The following KCNH1 variants were observed in gnomAD, a reference collection of about 807,000 sequenced individuals.
The protein encoded by KCNH1 is voltage-gated delayed rectifier potassium channel KCNH1.
In KCNH1, 27 loss-of-function variants were observed where a neutral mutation model predicts 69.2. The observed-to-expected ratio is 0.39, with a 90% CI of 0.29 to 0.54. The LOEUF (loss-of-function observed/expected upper bound fraction) is 0.54, where lower values mean the gene tolerates loss of function less well. Among genes scored for constraint, KCNH1 ranks in the 20% least tolerant of loss-of-function variants. The probability of loss-of-function intolerance (pLI) is 0.68; values close to 1 mark genes in which losing one functional copy is unlikely to be tolerated. For missense variants in KCNH1, 798 were observed against 1,261.6 expected (o/e 0.63, Z 5.57); for synonymous variants, 456 against 487.7 (o/e 0.93, Z 0.86).
At chr1:210,770,562 C>G (rs1035897357) in intron 10 of KCNH1, among the ~76,000 whole-genome samples, 5 of 152,196 alleles carry the variant, frequency 3.3e-5, no homozygotes, top group African/African-American at 1.2e-4. Flanking sequence ...ATAGCATGGC[C>G]GGGTTAACCC....
intron 2 of KCNH1, among the ~76,000 whole-genome samples, chr1:211,106,096 G>T (rs1178756866): frequency 1.3e-5 from 2 of 152,308 alleles, no homozygotes; most frequent in African/African-American, 4.8e-5. Context: ...GACTATGCTT[G>T]GTCAGACAGG....
At chr1:210,856,823 T>TATATATTA (rs1558499191) in intron 7 of KCNH1, among the ~76,000 whole-genome samples, 2 of 89,586 alleles carry the variant, frequency 2.2e-5, no homozygotes, top group African/African-American at 9.0e-5. Context: ...TATATATATT[T>TATATATTA]TATATATAAT....
chr1:210,910,006 C>T (rs1318500326), intron 7 of KCNH1, among the ~76,000 whole-genome samples: 1 of 152,176 alleles, frequency 6.6e-6, no homozygotes, highest in Non-Finnish European at 1.5e-5. Context: ...AAAAAATTTT[C>T]ATCAAATTGG....
At chr1:210,722,541 A>G (rs1403080007) in intron 10 of KCNH1, among the ~76,000 whole-genome samples, 1 of 152,194 alleles carries the variant, frequency 6.6e-6, no homozygotes. Flanking sequence ...TTGATGGCAC[A>G]GATGAGTCCT....
chr1:210,872,625 G>A (rs1686277954), intron 7 of KCNH1, among the ~76,000 whole-genome samples: 1 of 152,178 alleles, frequency 6.6e-6, no homozygotes. Flanking sequence ...GGTAAAGGGG[G>A]AGCAAGGTGT....
chr1:210,889,479 C>T (rs1425743092), intron 7 of KCNH1, among the ~76,000 whole-genome samples: 2 of 152,230 alleles, frequency 1.3e-5, no homozygotes, highest in East Asian at 3.8e-4. Flanking sequence ...GAAGCATTCT[C>T]TTTGAAAACC....
intron 7 of KCNH1, among the ~76,000 whole-genome samples, chr1:210,814,698 AACAT>A (rs1202996035): frequency 1.3e-5 from 2 of 152,202 alleles, no homozygotes; most frequent in Non-Finnish European, 2.9e-5. Context: ...TCAATTAATT[AACAT>A]GACAAATGTC....
At chr1:210,908,079 G>C (rs550692636) in intron 7 of KCNH1, among the ~76,000 whole-genome samples, 1 of 152,300 alleles carries the variant, frequency 6.6e-6, no homozygotes, top group African/African-American at 2.4e-5. Flanking sequence ...TGATGGTAGA[G>C]ACATGGTTCT....
At chr1:210,692,266 A>C (rs1681543597) in intron 10 of KCNH1, among the ~76,000 whole-genome samples, 1 of 152,186 alleles carries the variant, frequency 6.6e-6, no homozygotes, top group Non-Finnish European at 1.5e-5. Context: ...TTGACAGACC[A>C]ACCTGGGGCC....
intron 5 of KCNH1, among the ~76,000 whole-genome samples, chr1:211,069,580 GATAT>G (rs1377767195): frequency 1.3e-5 from 2 of 152,116 alleles, no homozygotes; most frequent in African/African-American, 2.4e-5. Context: ...CACTGTAATT[GATAT>G]AAAGAATGTC....
intron 5 of KCNH1, among the ~76,000 whole-genome samples, chr1:211,065,515 A>G (rs1434417601): frequency 1.3e-5 from 2 of 152,184 alleles, no homozygotes; most frequent in African/African-American, 2.4e-5. Flanking sequence ...TGGTCAAAGG[A>G]TACAAAATTT....
chr1:210,732,820 G>A (rs1246200173), intron 10 of KCNH1, among the ~76,000 whole-genome samples: 2 of 152,144 alleles, frequency 1.3e-5, no homozygotes, highest in Non-Finnish European at 2.9e-5. Context: ...CATTTATGAG[G>A]GCAGAGCCCT....
chr1:210,700,443 T>G (rs143506447), intron 10 of KCNH1, among the ~76,000 whole-genome samples: 1 of 152,190 alleles, frequency 6.6e-6, no homozygotes, highest in East Asian at 1.9e-4. Context: ...CCAAGTACCT[T>G]CTGACTCCTT....
intron 10 of KCNH1, among the ~76,000 whole-genome samples, chr1:210,706,202 C>T (rs965243072): frequency 6.6e-6 from 1 of 152,170 alleles, no homozygotes; most frequent in African/African-American, 2.4e-5. Flanking sequence ...AGGAAGTTCC[C>T]CTTCCAGATT....
At chr1:211,069,757 CAGTT>C (rs1294431895) in intron 5 of KCNH1, among the ~76,000 whole-genome samples, 7 of 129,498 alleles carry the variant, frequency 5.4e-5, no homozygotes, top group African/African-American at 1.2e-4. Context: ...GTATACACAA[CAGTT>C]AGTTATGCAG....
At chr1:211,041,746 C>T (rs773883377) in intron 5 of KCNH1, among the ~76,000 whole-genome samples, 1 of 152,058 alleles carries the variant, frequency 6.6e-6, no homozygotes. Flanking sequence ...ATACTCCACC[C>T]GCTGGCTTTT....
intron 7 of KCNH1, among the ~76,000 whole-genome samples, chr1:210,904,022 A>C (rs776078145): frequency 3.3e-5 from 5 of 152,206 alleles, no homozygotes; most frequent in Admixed American, 6.5e-5. Context: ...ATTGTATCTT[A>C]GTAGTTCTCC....
chr1:210,895,602 G>T (rs199654285), intron 7 of KCNH1, among the ~76,000 whole-genome samples: 3 of 152,112 alleles, frequency 2.0e-5, no homozygotes, highest in Admixed American at 2.0e-4. Flanking sequence ...GTCTCCCCTT[G>T]GCAATAGAAG....
chr1:210,823,544 A>C (rs779941559), intron 7 of KCNH1, among the ~76,000 whole-genome samples: 4 of 152,152 alleles, frequency 2.6e-5, no homozygotes, highest in African/African-American at 9.7e-5. Context: ...AAACCCTCCA[A>C]ATTCTCTCTT....
Sources: gnomAD v4.1 joint callset for allele counts (sites outside exome capture counted in the v4.1 genomes callset) on GRCh38, gnomAD v4.1.1 for gene constraint, MANE v1.5 for transcripts, NCBI Gene and HGNC (gene_info 2026-07-23, HGNC 2026-07-21) for gene names.